Variants in LZTS1 observed in about 807,000 individuals in gnomAD.
LZTS1 encodes the protein leucine zipper tumor suppressor 1.
A neutral mutation model predicts 45.8 loss-of-function variants in LZTS1; 31 were observed. The ratio of observed to expected loss-of-function variants is 0.68; its 90% CI spans 0.51 to 0.91. The LOEUF (loss-of-function observed/expected upper bound fraction) is 0.91, where lower values mean the gene tolerates loss of function less well. Among genes scored for constraint, LZTS1 ranks in the 40% least tolerant of loss-of-function variants. LZTS1 has a pLI of 0.00. For synonymous variants in LZTS1, 359 were observed against 357.3 expected (o/e 1.00, Z -0.05); for missense variants, 821 against 788.9 (o/e 1.04, Z -0.49).
intron 1 of LZTS1, among the ~76,000 whole-genome samples, chr8:20,285,903 A>T (rs1363972640): frequency 6.6e-6 from 1 of 152,232 alleles, no homozygotes; most frequent in Non-Finnish European, 1.5e-5. Flanking sequence ...GAAAAAGGAG[A>T]CATGGCAGGC....
At chr8:20,293,655 G>T (rs1238577792) in intron 1 of LZTS1, among the ~76,000 whole-genome samples, 1 of 152,196 alleles carries the variant, frequency 6.6e-6, no homozygotes, top group African/African-American at 2.4e-5. Flanking sequence ...GAAAGAGATG[G>T]AGCACAGTAG....
rs1347578525 is a variant in LZTS1, at chr8:20,248,683, G to A, written c.*1039C>T. ...AGGTTTGCCGCTAAACCTGGCTGTA[G>A]GCAGAGGAGGAAAATGCCCAGATCA... On this transcript the variant is annotated 3_prime_UTR_variant, in exon 4 of 4. Transcript: ENST00000381569. 2 of 152,278 alleles carry A rather than the reference G, an allele frequency of 1.3e-5. No individual in the cohort carries two copies. The highest frequency in any genetic ancestry group is 4.8e-5 in the African/African-American group (2 of 41,446). The allele number at this position is 152,278 out of a possible 1,614,324, so 9.4% of individuals were successfully genotyped here.
At chr8:20,279,211 G>C (rs1449155372) in intron 1 of LZTS1, among the ~76,000 whole-genome samples, 1 of 152,184 alleles carries the variant, frequency 6.6e-6, no homozygotes, top group African/African-American at 2.4e-5. Context: ...GAAACTCTTA[G>C]AGAATTGATT....
intron 1 of LZTS1, among the ~76,000 whole-genome samples, chr8:20,288,568 CA>C (rs933302008): frequency 7.9e-5 from 12 of 152,178 alleles, no homozygotes; most frequent in African/African-American, 2.9e-4. Flanking sequence ...CTGATGGATG[CA>C]AAAAAATGAT....
At chr8:20,301,079 C>A (rs1443024137) in intron 1 of LZTS1, among the ~76,000 whole-genome samples, 6 of 146,862 alleles carry the variant, frequency 4.1e-5, no homozygotes, top group African/African-American at 1.5e-4. Context: ...CAAGATCGCA[C>A]CACTGCACTC....
intron 3 of LZTS1, 122 bp downstream of exon 3, chr8:20,252,660 A>T: frequency 1.3e-6 from 1 of 774,756 alleles, no homozygotes; most frequent in Non-Finnish European, 1.9e-6. Flanking sequence ...TAAAGCCAGC[A>T]CATTAGCCCC....
chr8:20,253,252 G>C lies in LZTS1; in HGVS notation c.679C>G (p.Leu227Val), dbSNP rs1433175925. 1 of 1,614,134 alleles carries C rather than the reference G, an allele frequency of 6.2e-7. No homozygotes were observed. Among genetic ancestry groups the C allele is most frequent in the Non-Finnish European group, 8.5e-7 (1 of 1,180,048 alleles). The change falls in exon 3 of 4, where the codon CTG becomes GTG. Residue 227 changes from leucine to valine, a missense_variant. Coordinates refer to ENST00000381569, the MANE Select transcript of LZTS1 (RefSeq NM_021020.5). ...CCGTCGGAGAAGGACAGAGCCTTCAGGCTCATCATGTTGCTGTCCTGGAGG... is the reference window on the plus strand; with the variant it reads ...CCGTCGGAGAAGGACAGAGCCTTCACGCTCATCATGTTGCTGTCCTGGAGG... ...IVLQDSNMMS[L>V]KALSFSDGGS...
intron 1 of LZTS1, among the ~76,000 whole-genome samples, chr8:20,292,006 G>T (rs1271477306): frequency 6.6e-6 from 1 of 152,254 alleles, no homozygotes; most frequent in African/African-American, 2.4e-5. Context: ...GCCTGACCTG[G>T]GTGGAGGTGT....
At chr8:20,274,549 A>C (rs1177305389) in intron 1 of LZTS1, among the ~76,000 whole-genome samples, 2 of 152,086 alleles carry the variant, frequency 1.3e-5, no homozygotes, top group African/African-American at 4.8e-5. Flanking sequence ...GGCGTGTTGG[A>C]GTCTGTGGGC....
chr8:20,301,018 G>A (rs1236879266), intron 1 of LZTS1, among the ~76,000 whole-genome samples: 2 of 151,942 alleles, frequency 1.3e-5, no homozygotes, highest in South Asian at 2.1e-4. Flanking sequence ...CTACTTGTGA[G>A]GGTGAGGCAG....
chr8:20,273,779 T>A (rs375862067), intron 1 of LZTS1, among the ~76,000 whole-genome samples: 181 of 141,020 alleles, frequency 1.3e-3, no homozygotes, highest in South Asian at 3.1e-3. Context: ...GTTATATTTG[T>A]TTTTTTTTTT....
chr8:20,259,000 T>A (rs1800168133), intron 1 of LZTS1, among the ~76,000 whole-genome samples: 1 of 152,228 alleles, frequency 6.6e-6, no homozygotes, highest in Non-Finnish European at 1.5e-5. Flanking sequence ...CTAACACCTC[T>A]AGTTCCTATG....
Position 20,250,261 on chromosome 8 carries a change from G to C in LZTS1, c.1252C>G (p.Gln418Glu), listed in dbSNP as rs138555030. 8.0e-5 allele frequency: 129 copies of C among 1,613,812 alleles called. No homozygotes were observed. The African/African-American group carries it at 1.3e-3, about 17-fold the overall frequency. The part of the protein sequence containing the change: ...KASEILGLKA[Q>E]LKDTRGKLEG... The stretch of plus-strand genomic sequence containing the variant: ...AGCTTGCCCCGCGTGTCCTTCAGCT[G>C]TGCCTTGAGACCCAGGATCTCGCTA... Residue 418 changes from glutamine (Q) to glutamate (E), a missense_variant, in exon 4 of 4, where the codon CAG (glutamine) becomes GAG (glutamate). Physicochemically the swap from Gln to Glu is conservative, Grantham distance 29. Transcript: ENST00000381569.
intron 1 of LZTS1, among the ~76,000 whole-genome samples, chr8:20,269,416 A>G (rs953074): frequency 0.35 from 52,830 of 152,170 alleles, 10,816 homozygotes; most frequent in Non-Finnish European, 0.45. Flanking sequence ...TGTTGGGGGC[A>G]GATGGCCCCC....
rs74489630 is a variant in LZTS1, at chr8:20,263,936, A to G, written c.-134-8621T>C. Among the ~76,000 whole-genome samples, 404 of 152,264 alleles carry G rather than the reference A, an allele frequency of 2.7e-3. 1 individual carries two copies. Among genetic ancestry groups the G allele is most frequent in the African/African-American group, 9.1e-3 (379 of 41,534 alleles). On this transcript the variant is annotated intron_variant, in intron 1 of 3. Coordinates refer to ENST00000381569, the MANE Select transcript of LZTS1 (RefSeq NM_021020.5). ...CCAAGTACCCCGTGCAGAATGGACA[A>G]TTGTTAAAATGTTGCCATATTTGTT...
intron 2 of LZTS1, 49 bp from the exon 3 acceptor site, chr8:20,253,634 T>C: frequency 2.2e-6 from 3 of 1,352,570 alleles, no homozygotes; most frequent in South Asian, 3.2e-5. Context: ...TGCGCGCGCA[T>C]TGCACCCTCC....
At position 20,255,133 on chromosome 8, in the gene LZTS1, G is replaced by A; in HGVS notation, c.49C>T (p.His17Tyr). ...AGCTTGTACTGCGAAGCCCGGCAGTGCTTGCTGTGGAAGCTGTGGCCGGAG... is the reference window on the plus strand; with the variant it reads ...AGCTTGTACTGCGAAGCCCGGCAGTACTTGCTGTGGAAGCTGTGGCCGGAG... ...LISGHSFHSK[H>Y]CRASQYKLRK... is the part of the protein sequence containing the mutation. Residue 17 changes from histidine to tyrosine, a missense_variant, in exon 2 of 4, where the codon CAC becomes TAC. His to Tyr is a moderately conservative substitution (Grantham distance 83). Transcript: ENST00000381569. 1 of 1,614,126 alleles carries A rather than the reference G, an allele frequency of 6.2e-7. No homozygotes were observed. Among genetic ancestry groups the A allele is most frequent in the Non-Finnish European group, 8.5e-7 (1 of 1,180,002 alleles).
At chr8:20,298,277 G>C (rs1801011893) in intron 1 of LZTS1, among the ~76,000 whole-genome samples, 1 of 151,924 alleles carries the variant, frequency 6.6e-6, no homozygotes, top group East Asian at 1.9e-4. Context: ...GGCCAGGCTG[G>C]TCTTGAACTC....
Position 20,249,261 on chromosome 8 carries a change from TCTGATGGGG to T in LZTS1, c.*452_*460del, listed in dbSNP as rs1799816756. On this transcript the variant is annotated 3_prime_UTR_variant, in exon 4 of 4. Transcript: ENST00000381569. ...GCGGCCAGAGGAAAATAGCTCAGGT[TCTGATGGGG>T]CTGGTTCCAAGGCTTCTGGTCATAT... The T allele has an allele frequency of 6.3e-6, 1 of 157,904 alleles. No individual in the cohort carries two copies. The highest frequency in any genetic ancestry group is 1.4e-5 in the Non-Finnish European group (1 of 71,436). 9.8% of individuals were successfully genotyped at this position (157,904 alleles called of 1,614,324 possible).
Sources: allele counts gnomAD v4.1 joint callset (sites outside exome capture counted in the v4.1 genomes callset), GRCh38; gene constraint gnomAD v4.1.1; transcripts MANE v1.5; gene names NCBI Gene and HGNC (gene_info 2026-07-23, HGNC 2026-07-21).